Variants in TMCO4 observed in about 807,000 individuals in gnomAD.
The protein encoded by TMCO4 is transmembrane and coiled-coil domains 4.
A neutral mutation model predicts 64.7 loss-of-function variants in TMCO4; 58 were observed. The observed-to-expected ratio is 0.90, with a 90% CI of 0.73 to 1.12. The LOEUF (loss-of-function observed/expected upper bound fraction) is 1.12, where lower values mean the gene tolerates loss of function less well. Ranked by LOEUF, TMCO4 falls within the 50% of genes most tolerant of loss-of-function variation. The pLI, the probability that TMCO4 is intolerant of heterozygous loss-of-function variation, is 0.00. For synonymous variants in TMCO4, 325 were observed against 346.1 expected (o/e 0.94, Z 0.68); for missense variants, 780 against 825.9 (o/e 0.94, Z 0.68).
At chr1:19,690,238 G>A (rs2095181576) in intron 15 of TMCO4, among the ~76,000 whole-genome samples, 1 of 152,228 alleles carries the variant, frequency 6.6e-6, no homozygotes, top group Non-Finnish European at 1.5e-5. Flanking sequence ...CCCACTGAGT[G>A]TGGGTACCCA....
intron 13 of TMCO4, among the ~76,000 whole-genome samples, chr1:19,726,131 G>C (rs905137973): frequency 6.6e-6 from 1 of 152,234 alleles, no homozygotes; most frequent in African/African-American, 2.4e-5. Context: ...ACAGTGCCTG[G>C]TGATCGTGAG....
Position 19,734,313 on chromosome 1 carries a change from A to G in TMCO4, c.1264+3059T>C, listed in dbSNP as rs1405627848. ...ATCTAGAGAACAGCAGGGGCATTAG[A>G]GGCCCTTGGGGTCTGCCGAGTTGCT... On this transcript the variant is annotated intron_variant, in intron 13 of 15. Transcript: ENST00000294543. This position sits in a 1 kb window ranked among gnomAD's most constrained non-coding sequence, Gnocchi z 4.4. Among the ~76,000 whole-genome samples, 7 of 152,116 alleles carry G rather than the reference A, an allele frequency of 4.6e-5. No individual in the cohort carries two copies. Among genetic ancestry groups the G allele is most frequent in the Admixed American group, 4.6e-4 (7 of 15,270 alleles).
chr1:19,706,557 T>C (rs1055025866), intron 13 of TMCO4, among the ~76,000 whole-genome samples: 4 of 152,204 alleles, frequency 2.6e-5, no homozygotes, highest in African/African-American at 9.6e-5. Context: ...GTCATAGACA[T>C]GTAGAGCGTT....
In TMCO4 at chr1:19,737,366, G is replaced by A. The variant is rs1414153280; in HGVS notation, c.1264+6C>T. ...GTTTCCGTCTGTGACAATAATCCATGCTCACCTTTCTCTTGAGCCATCTCC... is the reference window on the plus strand; with the variant it reads ...GTTTCCGTCTGTGACAATAATCCATACTCACCTTTCTCTTGAGCCATCTCC... On this transcript the variant is annotated splice_donor_region_variant and intron_variant, in intron 13 of 15. Transcript: ENST00000294543. 3.7e-6 allele frequency: 6 copies of A among 1,611,308 alleles called. No individual in the cohort carries two copies. The highest frequency in any genetic ancestry group is 5.1e-6 in the Non-Finnish European group (6 of 1,178,206).
chr1:19,713,000 C>T (rs1042416307), intron 13 of TMCO4, among the ~76,000 whole-genome samples: 9 of 152,114 alleles, frequency 5.9e-5, no homozygotes, highest in Admixed American at 2.6e-4. Flanking sequence ...GTCTCTCATC[C>T]CCCCAGGAAC....
intron 13 of TMCO4, among the ~76,000 whole-genome samples, chr1:19,728,773 C>A (rs58643191): frequency 0.11 from 17,468 of 152,216 alleles, 1,182 homozygotes; most frequent in African/African-American, 0.19. Context: ...TCAGAGCCTG[C>A]CCCACTCTGC....
At chr1:19,764,943 T>A (rs61768313) in intron 6 of TMCO4, among the ~76,000 whole-genome samples, 1 of 150,910 alleles carries the variant, frequency 6.6e-6, no homozygotes, top group Non-Finnish European at 1.5e-5. Flanking sequence ...ACACCTCAAG[T>A]CTTTCTGATT....
chr1:19,719,298 G>T (rs985979615), intron 13 of TMCO4, among the ~76,000 whole-genome samples: 1 of 152,178 alleles, frequency 6.6e-6, no homozygotes, highest in African/African-American at 2.4e-5. Context: ...GACAGAAGAA[G>T]TCAGGTTGAG....
intron 13 of TMCO4, among the ~76,000 whole-genome samples, chr1:19,712,639 A>G (rs1041217591): frequency 6.6e-6 from 1 of 152,128 alleles, no homozygotes; most frequent in Non-Finnish European, 1.5e-5. Flanking sequence ...AAAAAAGAAA[A>G]AAGAAAAGGC....
intron 4 of TMCO4, 32 bp from the exon 5 acceptor site, chr1:19,771,514 A>T (rs768443801): frequency 6.2e-7 from 1 of 1,606,440 alleles, no homozygotes; most frequent in East Asian, 2.2e-5. Context: ...GTTCTCCAGG[A>T]TCCTCAGAGC....
chr1:19,770,423 T>C, intron 6 of TMCO4, 119 bp downstream of exon 6: 1 of 1,070,140 alleles, frequency 9.3e-7, no homozygotes, highest in South Asian at 1.3e-5. Flanking sequence ...TTCCTTTCCT[T>C]CCTGAAGTCA....
chr1:19,784,845 T>TAA (rs34693780), intron 3 of TMCO4, among the ~76,000 whole-genome samples: 61,554 of 97,462 alleles, frequency 0.63, 19,706 homozygotes, highest in Non-Finnish European at 0.72. Flanking sequence ...GCTGATGCAC[T>TAA]AAAAAAAAAA....
chr1:19,690,717 G>A (rs2095186197), intron 15 of TMCO4, among the ~76,000 whole-genome samples: 1 of 152,186 alleles, frequency 6.6e-6, no homozygotes. Context: ...CAGCTTCCAA[G>A]CTGGGCTCAG....
At chr1:19,687,611 A>G (rs145467831) in intron 15 of TMCO4, among the ~76,000 whole-genome samples, 56 of 152,328 alleles carry the variant, frequency 3.7e-4, no homozygotes, top group African/African-American at 1.3e-3. Flanking sequence ...CTCAAGCTCC[A>G]GCCATCACAT....
intron 13 of TMCO4, among the ~76,000 whole-genome samples, chr1:19,704,354 G>C (rs1008147009): frequency 2.0e-5 from 3 of 152,224 alleles, no homozygotes; most frequent in Non-Finnish European, 4.4e-5. Flanking sequence ...AAGGCCCTTA[G>C]AGATCAACGC....
At chr1:19,714,863 C>T (rs2095348028) in intron 13 of TMCO4, among the ~76,000 whole-genome samples, 1 of 152,064 alleles carries the variant, frequency 6.6e-6, no homozygotes, top group South Asian at 2.1e-4. Context: ...GTGGAGGTTG[C>T]AGTAAGCCCA....
rs778547061 is a variant in TMCO4, at chr1:19,683,113, C to T, written c.1832G>A (p.Gly611Asp). The change falls in exon 16 of 16, where the codon GGC (glycine) becomes GAC (aspartate). Residue 611 changes from glycine to aspartate, a missense_variant. By Grantham distance (94) the Gly-to-Asp change is moderately conservative (BLOSUM62 -1). Coordinates refer to ENST00000294543, the MANE Select transcript of TMCO4 (RefSeq NM_181719.7). ...GCAGCCCAGTGGGTTGGGGTCCATG[C>T]CATGGCTGCAGATGGGGGGCCTTTC... is the stretch of plus-strand genomic sequence containing the variant. ...SPERPPICSH[G>D]MDPNPLGCPD... is the part of the protein sequence containing the mutation. 1.9e-6 allele frequency: 3 copies of T among 1,612,854 alleles called. No homozygotes were observed. The highest frequency in any genetic ancestry group is 2.2e-5 in the East Asian group (1 of 44,896).
chr1:19,795,285 C>T (rs2044251131), intron 2 of TMCO4, among the ~76,000 whole-genome samples: 1 of 152,092 alleles, frequency 6.6e-6, no homozygotes, highest in South Asian at 2.1e-4. Context: ...ACCTGGACAA[C>T]ATGGTGAAAC....
At chr1:19,694,373 G>C in intron 15 of TMCO4, 61 bp downstream of exon 15, 1 of 1,459,924 alleles carries the variant, frequency 6.8e-7, no homozygotes, top group South Asian at 1.2e-5. Context: ...GGGGACAGGG[G>C]TGGCTGGGCT....
Sources: gnomAD v4.1 joint callset for allele counts (sites outside exome capture counted in the v4.1 genomes callset) on GRCh38, gnomAD v4.1.1 for gene constraint, Gnocchi (gnomAD v3.1) non-coding constraint, MANE v1.5 for transcripts, NCBI Gene and HGNC (gene_info 2026-07-23, HGNC 2026-07-21) for gene names.